Variants in MGMT observed in about 807,000 individuals in gnomAD.
The protein encoded by MGMT is O-6-methylguanine-DNA methyltransferase, also known as methylated-DNA--protein-cysteine methyltransferase.
Under a neutral mutation model 15.9 loss-of-function variants are expected in MGMT, and 14 were observed. That is an observed-to-expected ratio of 0.88 (90% CI 0.58 to 1.37). The LOEUF is 1.37. MGMT is among the 40% of genes most tolerant of loss of function. The probability of loss-of-function intolerance (pLI) is 0.00; values close to 1 mark genes in which losing one functional copy is unlikely to be tolerated. For missense variants in MGMT, 282 were observed against 268.1 expected, an observed-to-expected ratio of 1.05 and a Z score of -0.36; for synonymous variants, 130 against 118.2, an observed-to-expected ratio of 1.10 and a Z score of -0.65.
At chr10:129,751,396 T>C (rs1848749095) in intron 3 of MGMT, among the ~76,000 whole-genome samples, 2 of 151,946 alleles carry the variant, frequency 1.3e-5, no homozygotes, top group Admixed American at 1.3e-4. Context: ...TGATATTGAT[T>C]ATTTGTTTCT....
intron 1 of MGMT, among the ~76,000 whole-genome samples, chr10:129,502,719 TA>T (rs1268901848): frequency 6.6e-6 from 1 of 152,168 alleles, no homozygotes; most frequent in African/African-American, 2.4e-5. Flanking sequence ...GTAATTAACT[TA>T]GGGGAAACCA....
intron 1 of MGMT, among the ~76,000 whole-genome samples, chr10:129,511,668 C>G (rs1845685040): frequency 6.6e-6 from 1 of 152,146 alleles, no homozygotes; most frequent in South Asian, 2.1e-4. Flanking sequence ...GGAGACCTTC[C>G]CAGGGCTATT....
rs1368369547 is a variant in MGMT at position 129,485,977 on chromosome 10, T to G, written c.-13+18681T>G. On this transcript the variant is annotated intron_variant, in intron 1 of 4. Coordinates refer to ENST00000651593, the MANE Select transcript of MGMT (RefSeq NM_002412.5). ...CCTGCTTATTCTGGCCCTCACAGAA[T>G]AAGAATTCAAAGGACAATAATTTTC... Among the ~76,000 whole-genome samples, 3 of 152,230 alleles carry G rather than the reference T, an allele frequency of 2.0e-5. No homozygotes were observed. The East Asian group carries it at 5.8e-4, about 29-fold the overall frequency.
chr10:129,500,099 T>G (rs1439408957), intron 1 of MGMT, among the ~76,000 whole-genome samples: 1 of 150,206 alleles, frequency 6.7e-6, no homozygotes, highest in African/African-American at 2.5e-5. Flanking sequence ...TGACACAAAC[T>G]TTTGAATATG....
intron 2 of MGMT, among the ~76,000 whole-genome samples, chr10:129,638,199 A>G (rs1252127469): frequency 6.6e-6 from 1 of 152,146 alleles, no homozygotes; most frequent in East Asian, 1.9e-4. Context: ...GTAACGGTTT[A>G]GAACTCAACC....
intron 2 of MGMT, among the ~76,000 whole-genome samples, chr10:129,689,772 T>C (rs565417463): frequency 6.6e-6 from 1 of 152,348 alleles, no homozygotes; most frequent in East Asian, 1.9e-4. Flanking sequence ...ACTTGACAAG[T>C]TTGCTCTGAA....
At chr10:129,756,230 C>T (rs960461892) in intron 3 of MGMT, among the ~76,000 whole-genome samples, 25 of 152,198 alleles carry the variant, frequency 1.6e-4, no homozygotes, top group Non-Finnish European at 3.5e-4. Context: ...GATGCAGAGA[C>T]TCCAAGATGC....
intron 1 of MGMT, 150 bp from the exon 2 acceptor site, chr10:129,536,091 T>C (rs1845980372): frequency 3.6e-6 from 3 of 841,976 alleles, no homozygotes; most frequent in South Asian, 3.6e-5. Context: ...AGTAATCATA[T>C]TGTGAAAATG....
chr10:129,596,271 C>T (rs1177768195), intron 2 of MGMT, among the ~76,000 whole-genome samples: 2 of 152,168 alleles, frequency 1.3e-5, no homozygotes, highest in South Asian at 2.1e-4. Flanking sequence ...CCCTCCCCAA[C>T]TCAGTCATAT....
intron 1 of MGMT, among the ~76,000 whole-genome samples, chr10:129,526,041 C>T (rs556119740): frequency 9.9e-5 from 15 of 152,254 alleles, no homozygotes; most frequent in East Asian, 1.9e-4. Context: ...TGAACTGAGC[C>T]GCACTTGACT....
chr10:129,542,145 C>G (rs527731104), intron 2 of MGMT, among the ~76,000 whole-genome samples: 1 of 152,154 alleles, frequency 6.6e-6, no homozygotes, highest in African/African-American at 2.4e-5. Context: ...TTGAGCTTCC[C>G]GAAGGGCAGC....
At chr10:129,502,183 C>T (rs183705634) in intron 1 of MGMT, among the ~76,000 whole-genome samples, 11 of 152,276 alleles carry the variant, frequency 7.2e-5, no homozygotes, top group African/African-American at 2.4e-4. Context: ...GAGTCCTGGC[C>T]GCAGTCCAGG....
chr10:129,543,759 G>A (rs984794746), intron 2 of MGMT, among the ~76,000 whole-genome samples: 3 of 152,184 alleles, frequency 2.0e-5, no homozygotes, highest in Admixed American at 1.3e-4. Context: ...GACAGAGATG[G>A]CAAACGTGTG....
chr10:129,644,717 GA>G (rs1487496406), intron 2 of MGMT, among the ~76,000 whole-genome samples: 1 of 152,004 alleles, frequency 6.6e-6, no homozygotes, highest in Admixed American at 6.5e-5. Flanking sequence ...ATTAAATTAG[GA>G]AAAAAAATAA....
chr10:129,513,356 TAC>T (rs1395129935), intron 1 of MGMT, among the ~76,000 whole-genome samples: 4 of 152,222 alleles, frequency 2.6e-5, no homozygotes, highest in African/African-American at 9.6e-5. Flanking sequence ...GCCACTGAAT[TAC>T]ACACTTACAA....
chr10:129,718,917 G>A lies in MGMT; in HGVS notation c.274+10874G>A, dbSNP rs560676139. ...TTCCCGGGATGTCTAGAGCTAGTTC[G>A]TTTGCCCGCTCAGGTGCATCACCTT... On this transcript the variant is annotated intron_variant, in intron 3 of 4. Coordinates refer to ENST00000651593, the MANE Select transcript of MGMT (RefSeq NM_002412.5). Among the ~76,000 whole-genome samples, 9 of 151,806 alleles carry A rather than the reference G, an allele frequency of 5.9e-5. 1 individual carries two copies. Among genetic ancestry groups the A allele is most frequent in the South Asian group, 4.2e-4 (2 of 4,804 alleles).
chr10:129,611,436 G>A (rs1846958633), intron 2 of MGMT, among the ~76,000 whole-genome samples: 1 of 152,128 alleles, frequency 6.6e-6, no homozygotes, highest in East Asian at 1.9e-4. Context: ...ATAGCAAGGG[G>A]GAAATCTGCC....
At chr10:129,706,432 A>G (rs1021164034) in intron 2 of MGMT, among the ~76,000 whole-genome samples, 25 of 151,892 alleles carry the variant, frequency 1.6e-4, no homozygotes, top group African/African-American at 6.1e-4. Flanking sequence ...CACGCCCCCC[A>G]AGGCAGCCCA....
chr10:129,755,431 T>G (rs1848793762), intron 3 of MGMT, among the ~76,000 whole-genome samples: 1 of 152,230 alleles, frequency 6.6e-6, no homozygotes, highest in Non-Finnish European at 1.5e-5. Context: ...GCACAGCTAC[T>G]GAGATGCTCT....
Sources: allele counts gnomAD v4.1 joint callset (sites outside exome capture counted in the v4.1 genomes callset), GRCh38; gene constraint gnomAD v4.1.1; transcripts MANE v1.5; gene names NCBI Gene and HGNC (gene_info 2026-07-23, HGNC 2026-07-21).